Variants in CSMD1 observed in about 807,000 individuals in gnomAD.
CSMD1 encodes CUB and sushi domain-containing protein 1.
Under a neutral mutation model 417.5 loss-of-function variants are expected in CSMD1, and 213 were observed. That is an observed-to-expected ratio of 0.51 (90% CI 0.46 to 0.57). The LOEUF is 0.57. CSMD1 is among the 20% of genes least tolerant of loss of function. The probability of loss-of-function intolerance (pLI) is 0.00; values close to 1 mark genes in which losing one functional copy is unlikely to be tolerated. For missense variants in CSMD1, 6,923 were observed against 4,529.7 expected (o/e 1.53, Z -15.17); for synonymous variants, 2,862 against 1,736.8 (o/e 1.65, Z -16.11).
intron 9 of CSMD1, among the ~76,000 whole-genome samples, chr8:3,584,920 T>C (rs1479567200): frequency 1.3e-5 from 2 of 152,162 alleles, no homozygotes; most frequent in African/African-American, 4.8e-5. Context: ...AAGGGTCTTA[T>C]GTTAGAATTG....
At chr8:4,194,818 A>G (rs1799235830) in intron 3 of CSMD1, among the ~76,000 whole-genome samples, 1 of 151,992 alleles carries the variant, frequency 6.6e-6, no homozygotes, top group African/African-American at 2.4e-5. Context: ...TGAGTTCTGC[A>G]AAGAAAAAAA....
intron 10 of CSMD1, 88 bp from the exon 11 acceptor site, chr8:3,493,814 T>A (rs958051610): frequency 8.8e-7 from 1 of 1,130,910 alleles, no homozygotes; most frequent in African/African-American, 1.5e-5. Context: ...GTTATACTGT[T>A]AAATTTTGCT....
At chr8:3,900,082 G>A (rs1486163683) in intron 5 of CSMD1, among the ~76,000 whole-genome samples, 1 of 152,012 alleles carries the variant, frequency 6.6e-6, no homozygotes, top group Non-Finnish European at 1.5e-5. Flanking sequence ...GGGTGACAGT[G>A]CAGCTGTGTG....
At chr8:3,644,289 C>G (rs1462363805) in intron 7 of CSMD1, among the ~76,000 whole-genome samples, 1 of 152,232 alleles carries the variant, frequency 6.6e-6, no homozygotes, top group Non-Finnish European at 1.5e-5. Context: ...TAAACAACAA[C>G]ACTGCCTGTG....
intron 10 of CSMD1, among the ~76,000 whole-genome samples, chr8:3,512,080 C>T (rs546483054): frequency 7.9e-5 from 12 of 152,264 alleles, no homozygotes; most frequent in Non-Finnish European, 1.3e-4. Flanking sequence ...GTTACTTTTA[C>T]TCTGTGATTT....
intron 3 of CSMD1, among the ~76,000 whole-genome samples, chr8:4,390,667 C>T (rs930037588): frequency 2.6e-5 from 4 of 151,936 alleles, no homozygotes; most frequent in African/African-American, 7.3e-5. Flanking sequence ...GCACCCCCCA[C>T]CACGCCCGGC....
At chr8:4,445,858 T>A (rs1413505491) in intron 2 of CSMD1, among the ~76,000 whole-genome samples, 2 of 152,176 alleles carry the variant, frequency 1.3e-5, no homozygotes. Context: ...AATGCAGAAG[T>A]GTTCTCCCGC....
At chr8:4,379,518 T>C (rs1010609529) in intron 3 of CSMD1, among the ~76,000 whole-genome samples, 1 of 152,194 alleles carries the variant, frequency 6.6e-6, no homozygotes, top group South Asian at 2.1e-4. Context: ...GGAAGGCAAG[T>C]GGGTGAAGTA....
chr8:4,858,145 C>G (rs886151725), intron 1 of CSMD1, among the ~76,000 whole-genome samples: 1 of 150,124 alleles, frequency 6.7e-6, no homozygotes, highest in South Asian at 2.1e-4. Flanking sequence ...AGCATATAAA[C>G]AGAGCCAAAG....
At chr8:4,796,272 T>C (rs746518976) in intron 1 of CSMD1, among the ~76,000 whole-genome samples, 2 of 151,912 alleles carry the variant, frequency 1.3e-5, no homozygotes, top group Non-Finnish European at 2.9e-5. Context: ...AACAAGGAGC[T>C]GGCCAGAGGA....
intron 1 of CSMD1, among the ~76,000 whole-genome samples, chr8:4,959,488 G>C (rs1256751649): frequency 3.9e-5 from 6 of 152,202 alleles, no homozygotes; most frequent in East Asian, 1.9e-4. Flanking sequence ...TATCCTGTTT[G>C]TTCTATCTTC....
intron 3 of CSMD1, among the ~76,000 whole-genome samples, chr8:4,407,779 T>G (rs1166579093): frequency 6.6e-6 from 1 of 152,198 alleles, no homozygotes; most frequent in African/African-American, 2.4e-5. Context: ...TACAGAAATT[T>G]TGATACACAT....
In CSMD1 at chr8:3,104,577, A is replaced by G. The variant is rs1048596165; in HGVS notation, c.6949+1951T>C. 2.6e-5 allele frequency among the ~76,000 whole-genome samples: 4 copies of G among 152,216 alleles called. No individual in the cohort carries two copies. The East Asian group carries it at 5.8e-4, about 22-fold the overall frequency. On this transcript the variant is annotated intron_variant, in intron 46 of 69. Transcript: ENST00000635120. ...ATCTAAGTTATTATGGATATCTGATAATAATTCATTCCAAAATGTATGCCA... is the reference window on the plus strand; with the variant it reads ...ATCTAAGTTATTATGGATATCTGATGATAATTCATTCCAAAATGTATGCCA...
chr8:4,031,884 A>T, intron 4 of CSMD1, 21 bp downstream of exon 4: 1 of 1,587,604 alleles, frequency 6.3e-7, no homozygotes, highest in Non-Finnish European at 8.6e-7. Flanking sequence ...TCTGCTCACC[A>T]GCCCCCTTGT....
At chr8:3,109,866 C>G (rs1299458512) in intron 43 of CSMD1, among the ~76,000 whole-genome samples, 1 of 151,870 alleles carries the variant, frequency 6.6e-6, no homozygotes, top group African/African-American at 2.4e-5. Context: ...CACAGAGACA[C>G]ACATCACACA....
intron 3 of CSMD1, among the ~76,000 whole-genome samples, chr8:4,042,715 A>G (rs903871917): frequency 2.3e-4 from 35 of 151,240 alleles, no homozygotes; most frequent in African/African-American, 8.2e-4. Context: ...CATATGTAGA[A>G]GTGACAGAAA....
At chr8:4,647,326 C>T (rs1038031050) in intron 1 of CSMD1, among the ~76,000 whole-genome samples, 18 of 150,616 alleles carry the variant, frequency 1.2e-4, no homozygotes, top group Non-Finnish European at 2.5e-4. Context: ...ACATGTGCCA[C>T]GGCGGCCTGC....
chr8:3,084,874 A>T (rs1325861776), intron 49 of CSMD1, among the ~76,000 whole-genome samples: 1 of 151,906 alleles, frequency 6.6e-6, no homozygotes, highest in Non-Finnish European at 1.5e-5. Context: ...TTTAATGTTC[A>T]AAAATCCTAC....
chr8:4,232,294 G>C (rs898809720), intron 3 of CSMD1, among the ~76,000 whole-genome samples: 1 of 152,042 alleles, frequency 6.6e-6, no homozygotes, highest in Non-Finnish European at 1.5e-5. Flanking sequence ...CGCCTCCCAG[G>C]TTCAAGTAAT....
Sources: gnomAD v4.1 joint callset for allele counts (sites outside exome capture counted in the v4.1 genomes callset) on GRCh38, gnomAD v4.1.1 for gene constraint, MANE v1.5 for transcripts, NCBI Gene and HGNC (gene_info 2026-07-23, HGNC 2026-07-21) for gene names.